Variants in DHX57 observed in about 807,000 individuals in gnomAD.
DHX57 encodes the protein putative ATP-dependent RNA helicase DHX57.
A neutral mutation model predicts 156.2 loss-of-function variants in DHX57; 105 were observed. That is an observed-to-expected ratio of 0.67 (90% CI 0.57 to 0.79). The LOEUF (loss-of-function observed/expected upper bound fraction) is 0.79. Ranked by LOEUF, DHX57 falls within the 30% of genes least tolerant of loss-of-function variation. The pLI is 0.00. For synonymous variants in DHX57, 704 were observed against 595.6 expected (o/e 1.18, Z -2.65); for missense variants, 1,847 against 1,661.9 (o/e 1.11, Z -1.94).
chr2:38,864,022 AAAC>A (rs1333420312), intron 2 of DHX57, among the ~76,000 whole-genome samples: 4 of 150,964 alleles, frequency 2.6e-5, no homozygotes, highest in East Asian at 3.9e-4. Flanking sequence ...AAAAAAAAAA[AAAC>A]AACAAAACTT....
chr2:38,820,801 A>G (rs1389961685), intron 17 of DHX57, among the ~76,000 whole-genome samples: 1 of 152,060 alleles, frequency 6.6e-6, no homozygotes, highest in East Asian at 1.9e-4. Context: ...AACTATATAA[A>G]ATAAGCCATG....
chr2:38,851,355 AT>A, intron 9 of DHX57, among the ~76,000 whole-genome samples: 1 of 152,324 alleles, frequency 6.6e-6, no homozygotes, highest in East Asian at 1.9e-4. Context: ...ATTTATTAAA[AT>A]TTCAAACTAA....
At chr2:38,846,610 C>G (rs1672298668) in intron 11 of DHX57, among the ~76,000 whole-genome samples, 1 of 130,708 alleles carries the variant, frequency 7.7e-6, no homozygotes, top group Non-Finnish European at 1.6e-5. Flanking sequence ...GAGTAAGACT[C>G]TATCTCAAAA....
At chr2:38,839,681 A>T (rs866575416) in intron 12 of DHX57, among the ~76,000 whole-genome samples, 6 of 151,592 alleles carry the variant, frequency 4.0e-5, no homozygotes, top group African/African-American at 1.2e-4. Flanking sequence ...AGATCGCGCT[A>T]CTGCACTCCT....
chr2:38,861,926 G>T (rs1673246213), intron 4 of DHX57, 89 bp from the exon 5 acceptor site: 2 of 1,367,682 alleles, frequency 1.5e-6, no homozygotes, highest in South Asian at 2.9e-5. Context: ...CTTAGATGAA[G>T]TTATGACTAC....
rs550216483 is a variant in DHX57, at chr2:38,812,654, C to T, written c.3681+1167G>A. Among the ~76,000 whole-genome samples the T allele has an allele frequency of 6.6e-5, 10 of 152,324 alleles. No homozygotes were observed. The East Asian group carries it at 1.9e-3, about 29-fold the overall frequency. On this transcript the variant is annotated intron_variant, in intron 21 of 23. Transcript: ENST00000457308. Reference sequence around the variant, plus strand: ...GTTTAAGCGATTCTCCTGCCTCAGCCTCCTGAGTAGCTGGGATTACAGGCA... The same window carrying T: ...GTTTAAGCGATTCTCCTGCCTCAGCTTCCTGAGTAGCTGGGATTACAGGCA...
chr2:38,831,412 C>G (rs906694161), intron 13 of DHX57, among the ~76,000 whole-genome samples: 1 of 151,514 alleles, frequency 6.6e-6, no homozygotes, highest in Non-Finnish European at 1.5e-5. Flanking sequence ...TTGCTGCAAC[C>G]TCTGCCTCCT....
chr2:38,810,655 G>A, intron 21 of DHX57: 1 of 676,524 alleles, frequency 1.5e-6, no homozygotes, highest in South Asian at 1.4e-5. Context: ...TCGGTCCTGG[G>A]ACTTGGCAAT....
At chr2:38,822,072 A>G (rs1670845818) in intron 17 of DHX57, among the ~76,000 whole-genome samples, 1 of 152,026 alleles carries the variant, frequency 6.6e-6, no homozygotes, top group Non-Finnish European at 1.5e-5. Context: ...ACTGAATTCT[A>G]CTAAACATTT....
At chr2:38,802,655 T>A in intron 23 of DHX57, 60 bp downstream of exon 23, 1 of 1,597,696 alleles carries the variant, frequency 6.3e-7, no homozygotes, top group Admixed American at 1.7e-5. Flanking sequence ...CTTCATAACT[T>A]CATATTGTCA....
At chr2:38,819,404 G>A (rs954488386) in intron 17 of DHX57, among the ~76,000 whole-genome samples, 1 of 152,148 alleles carries the variant, frequency 6.6e-6, no homozygotes. Context: ...TTGAACTCCT[G>A]GGCTCAGGCA....
intron 6 of DHX57, among the ~76,000 whole-genome samples, 173 bp downstream of exon 6, chr2:38,858,488 A>C (rs1572701269): frequency 6.6e-6 from 1 of 152,256 alleles, no homozygotes; most frequent in Admixed American, 6.5e-5. Flanking sequence ...AGGATTTTCC[A>C]AAACCATCTA....
chr2:38,800,916 C>T (rs576958737), intron 23 of DHX57, among the ~76,000 whole-genome samples: 21 of 151,832 alleles, frequency 1.4e-4, no homozygotes, highest in Non-Finnish European at 2.4e-4. Context: ...AATATATACC[C>T]GATTTTGAAG....
intron 21 of DHX57, among the ~76,000 whole-genome samples, chr2:38,811,943 G>A (rs1164828954): frequency 1.3e-5 from 2 of 151,228 alleles, no homozygotes; most frequent in African/African-American, 4.9e-5. Context: ...TCTTTTTTTA[G>A]AGACAGGGTT....
chr2:38,859,917 T>TC (rs1200557156), intron 5 of DHX57, among the ~76,000 whole-genome samples: 1 of 151,514 alleles, frequency 6.6e-6, no homozygotes, highest in Non-Finnish European at 1.5e-5. Context: ...CTGAAGTGAT[T>TC]CCCCCACATC....
At chr2:38,816,371 C>G (rs370699078) in intron 19 of DHX57, among the ~76,000 whole-genome samples, 1 of 152,024 alleles carries the variant, frequency 6.6e-6, no homozygotes, top group Non-Finnish European at 1.5e-5. Context: ...TGTGCCACCA[C>G]GCCCAGCCAA....
intron 13 of DHX57, among the ~76,000 whole-genome samples, chr2:38,835,249 G>GT (rs1365265571): frequency 6.6e-6 from 1 of 152,200 alleles, no homozygotes; most frequent in Non-Finnish European, 1.5e-5. Flanking sequence ...AGGAAGAGAA[G>GT]TGAGTACCAG....
At chr2:38,855,910 A>G (rs2124916911) in intron 7 of DHX57, among the ~76,000 whole-genome samples, 1 of 152,278 alleles carries the variant, frequency 6.6e-6, no homozygotes, top group South Asian at 2.1e-4. Context: ...CAGCCTGGCC[A>G]ACATGGTAAA....
At chr2:38,809,109 T>C (rs1436545654) in intron 21 of DHX57, among the ~76,000 whole-genome samples, 1 of 152,082 alleles carries the variant, frequency 6.6e-6, no homozygotes, top group African/African-American at 2.4e-5. Context: ...TTATAATTTT[T>C]AAAAAGTTTT....
Sources: gnomAD v4.1 joint callset for allele counts (sites outside exome capture counted in the v4.1 genomes callset) on GRCh38, gnomAD v4.1.1 for gene constraint, MANE v1.5 for transcripts, NCBI Gene and HGNC (gene_info 2026-07-23, HGNC 2026-07-21) for gene names.